The following SLC1A7 variants were observed in gnomAD, a reference collection of about 807,000 sequenced individuals.
The protein encoded by SLC1A7 is excitatory amino acid transporter 5.
In SLC1A7, 40 loss-of-function variants were observed where a neutral mutation model predicts 47.7. The ratio of observed to expected loss-of-function variants is 0.84; its 90% CI spans 0.65 to 1.09. The LOEUF (loss-of-function observed/expected upper bound fraction) is 1.09. SLC1A7 is among the 50% of genes least tolerant of loss of function. The pLI is 0.00. For missense variants in SLC1A7, 746 were observed against 769.5 expected, an observed-to-expected ratio of 0.97 and a Z score of 0.36; for synonymous variants, 323 against 325.6, an observed-to-expected ratio of 0.99 and a Z score of 0.09.
In SLC1A7 at chr1:53,123,247, A is replaced by G. The variant is rs144127773; in HGVS notation, c.216-8274T>C. Among the ~76,000 whole-genome samples the G allele has an allele frequency of 7.3e-3, 1,109 of 152,214 alleles. 13 individuals are homozygous for G. The highest frequency in any genetic ancestry group is 0.025 in the African/African-American group (1,028 of 41,532). On this transcript the variant is annotated intron_variant, in intron 2 of 10. Transcript: ENST00000371494. ...CCCACCCCTTCCTTGCCCATGTGGC[A>G]AAGATCATGAGGAGTCAGGGGAACT...
chr1:53,087,295 C>T lies in SLC1A7; in HGVS notation c.*714G>A, dbSNP rs1393915903. On this transcript the variant is annotated 3_prime_UTR_variant, in exon 11 of 11. Coordinates refer to ENST00000371494, the MANE Select transcript of SLC1A7 (RefSeq NM_006671.6). ...CCTTTGGGGAGTTCTGACACCAGGG[C>T]CCCATCGGCAGCTCCACCAGAGCAT... 6.6e-6 allele frequency: 1 copy of T among 152,264 alleles called. No homozygotes were observed. Among genetic ancestry groups the T allele is most frequent in the Admixed American group, 6.5e-5 (1 of 15,286 alleles). The allele number at this position is 152,264 out of a possible 1,614,324, so 9.4% of individuals were successfully genotyped here. A position where few individuals can be genotyped will look rare whatever the true frequency, so the allele number is the denominator to read the frequency against.
intron 2 of SLC1A7, among the ~76,000 whole-genome samples, chr1:53,127,251 G>A (rs1427028398): frequency 3.7e-4 from 56 of 152,188 alleles, no homozygotes; most frequent in Admixed American, 3.7e-3. Flanking sequence ...GGCACAGGCA[G>A]TAGCAGGCCC....
At chr1:53,131,274 G>A (rs570220645) in intron 2 of SLC1A7, among the ~76,000 whole-genome samples, 2 of 152,314 alleles carry the variant, frequency 1.3e-5, no homozygotes, top group African/African-American at 2.4e-5. Flanking sequence ...TCACATGATC[G>A]CTTGTGGTGG....
chr1:53,107,968 AT>A (rs3835517), intron 3 of SLC1A7: 9,804 of 152,364 alleles, frequency 0.064, 697 homozygotes, highest in East Asian at 0.24. Flanking sequence ...AATTCAAGAT[AT>A]TTCCACCTGT....
chr1:53,113,564 G>A (rs1347206781), intron 3 of SLC1A7, among the ~76,000 whole-genome samples: 3 of 151,958 alleles, frequency 2.0e-5, no homozygotes, highest in Non-Finnish European at 2.9e-5. Flanking sequence ...GATCCCTCCT[G>A]AGCAGCCCTG....
intron 3 of SLC1A7, among the ~76,000 whole-genome samples, chr1:53,106,903 C>T (rs1644648565): frequency 6.6e-6 from 1 of 151,944 alleles, no homozygotes. Flanking sequence ...GCCTGTAATC[C>T]CAGCACTTTG....
At position 53,141,181 on chromosome 1, in the gene SLC1A7, G is replaced by C. The variant is rs1257182053; in HGVS notation, c.135+1134C>G. Among the ~76,000 whole-genome samples, 3 of 152,090 alleles carry C rather than the reference G, an allele frequency of 2.0e-5. No homozygotes were observed. The East Asian group carries it at 5.8e-4, about 29-fold the overall frequency. ...GCAAAAGTCCTGCCAAGTCAGTTTAGTGAGGATCCCTCACCCTCCAGCATC... is the reference window on the plus strand; with the variant it reads ...GCAAAAGTCCTGCCAAGTCAGTTTACTGAGGATCCCTCACCCTCCAGCATC... On this transcript the variant is annotated intron_variant, in intron 1 of 10. Coordinates refer to ENST00000371494, the MANE Select transcript of SLC1A7 (RefSeq NM_006671.6).
chr1:53,137,725 A>G (rs1645016043), intron 1 of SLC1A7, among the ~76,000 whole-genome samples: 1 of 152,200 alleles, frequency 6.6e-6, no homozygotes, highest in Non-Finnish European at 1.5e-5. Context: ...TAACATGTCT[A>G]CTAAACTACC....
At chr1:53,120,863 G>C (rs543239101) in intron 2 of SLC1A7, among the ~76,000 whole-genome samples, 14 of 152,324 alleles carry the variant, frequency 9.2e-5, no homozygotes, top group African/African-American at 3.4e-4. Context: ...CTCCACTCAG[G>C]CACCACCGCC....
At position 53,088,160 on chromosome 1, in the gene SLC1A7, C is replaced by T. The variant is rs1644380702; in HGVS notation, c.1532G>A (p.Cys511Tyr). ...QEIVAAQQNG[C>Y]VKSVAEASEL... ...GGAGGCCTCGGCTACACTCTTCACA[C>T]AGCCATTCTGCTGGGCTGCCACGAT... The change falls in exon 11 of 11, where the codon TGT (cysteine) becomes TAT (tyrosine). Residue 511 changes from cysteine (C) to tyrosine (Y), a missense_variant. Physicochemically the swap from Cys to Tyr is radical, Grantham distance 194. Coordinates refer to ENST00000371494, the MANE Select transcript of SLC1A7 (RefSeq NM_006671.6). 2 of 1,613,664 alleles carry T rather than the reference C, an allele frequency of 1.2e-6. No homozygotes were observed. Among genetic ancestry groups the T allele is most frequent in the African/African-American group, 1.3e-5 (1 of 75,074 alleles).
intron 2 of SLC1A7, among the ~76,000 whole-genome samples, chr1:53,119,807 T>C (rs1399877735): frequency 6.6e-6 from 1 of 152,170 alleles, no homozygotes; most frequent in African/African-American, 2.4e-5. Context: ...CCTGTTGAGA[T>C]GCTAGATGGA....
chr1:53,088,165 A>G lies in SLC1A7; in HGVS notation c.1527T>C (p.Asn509=), dbSNP rs1160773267. The change falls in exon 11 of 11, where the codon AAT becomes AAC. Residue 509 remains asparagine, a synonymous_variant. Coordinates refer to ENST00000371494, the MANE Select transcript of SLC1A7 (RefSeq NM_006671.6). ...SLQEIVAAQQ[N]GCVKSVAEAS... is the part of the protein sequence containing the mutation. ...CCTCGGCTACACTCTTCACACAGCCATTCTGCTGGGCTGCCACGATCTCCT... is the reference window on the plus strand; with the variant it reads ...CCTCGGCTACACTCTTCACACAGCCGTTCTGCTGGGCTGCCACGATCTCCT... 7 of 1,613,430 alleles carry G rather than the reference A, an allele frequency of 4.3e-6. No homozygotes were observed. The South Asian group carries it at 4.4e-5, about 10-fold the overall frequency.
chr1:53,101,921 C>T (rs997809110), intron 5 of SLC1A7, among the ~76,000 whole-genome samples: 11 of 152,216 alleles, frequency 7.2e-5, no homozygotes, highest in Admixed American at 1.3e-4. Context: ...TACACTCACA[C>T]GCCCTGCCTC....
intron 3 of SLC1A7, among the ~76,000 whole-genome samples, chr1:53,106,670 T>C (rs1378864560): frequency 1.3e-5 from 2 of 151,776 alleles, no homozygotes; most frequent in African/African-American, 4.8e-5. Context: ...CCATGTAAGC[T>C]GTAGCCTAGA....
chr1:53,093,259 G>A (rs1644445929), intron 6 of SLC1A7, among the ~76,000 whole-genome samples: 1 of 152,216 alleles, frequency 6.6e-6, no homozygotes, highest in South Asian at 2.1e-4. Flanking sequence ...GACCAGGCTG[G>A]AAGGGGCAGG....
At chr1:53,126,302 C>T (rs929985894) in intron 2 of SLC1A7, among the ~76,000 whole-genome samples, 1 of 152,210 alleles carries the variant, frequency 6.6e-6, no homozygotes, top group Non-Finnish European at 1.5e-5. Flanking sequence ...TGGGGAAGAG[C>T]CCTTGGAAGG....
chr1:53,113,258 C>T (rs888424843), intron 3 of SLC1A7, among the ~76,000 whole-genome samples: 2 of 152,108 alleles, frequency 1.3e-5, no homozygotes, highest in African/African-American at 4.8e-5. Flanking sequence ...TTCCCAGGCT[C>T]CATCCCAATC....
Position 53,097,716 on chromosome 1 carries a change from C to A in SLC1A7, c.698-4156G>T, listed in dbSNP as rs868374570. On this transcript the variant is annotated intron_variant, in intron 5 of 10. Transcript: ENST00000371494. ...CTCATACAACCCACCACAGTACACC[C>A]ACACCACCTGCCTTGGTACAGTCAC... Among the ~76,000 whole-genome samples the A allele has an allele frequency of 2.1e-4, 32 of 151,772 alleles. 1 individual carries two copies. In the South Asian group the frequency reaches 5.0e-3, roughly 24 times the overall value.
intron 3 of SLC1A7, among the ~76,000 whole-genome samples, chr1:53,113,114 T>G (rs1435409443): frequency 6.6e-6 from 1 of 151,922 alleles, no homozygotes; most frequent in Non-Finnish European, 1.5e-5. Context: ...ACTGCAGGAG[T>G]TTGGAGTTTT....
Sources: allele counts gnomAD v4.1 joint callset (sites outside exome capture counted in the v4.1 genomes callset), GRCh38; gene constraint gnomAD v4.1.1; transcripts MANE v1.5; gene names NCBI Gene and HGNC (gene_info 2026-07-23, HGNC 2026-07-21).